DAAM2: variants seen among roughly 807,000 people sequenced by gnomAD.
DAAM2 encodes dishevelled associated activator of morphogenesis 2.
A neutral mutation model predicts 120.7 loss-of-function variants in DAAM2; 39 were observed. The ratio of observed to expected loss-of-function variants is 0.32; its 90% CI spans 0.25 to 0.42. The LOEUF (loss-of-function observed/expected upper bound fraction) is 0.42, where lower values mean the gene tolerates loss of function less well. Ranked by LOEUF, DAAM2 falls within the 10% of genes least tolerant of loss-of-function variation. The pLI is 1.00. For synonymous variants in DAAM2, 488 were observed against 524.9 expected (o/e 0.93, Z 0.96); for missense variants, 1,283 against 1,401.7 (o/e 0.92, Z 1.35).
At chr6:39,887,660 G>A (rs1368005463) in intron 16 of DAAM2, 68 bp downstream of exon 16, 4 of 1,022,824 alleles carry the variant, frequency 3.9e-6, no homozygotes, top group Middle Eastern at 2.5e-4. Flanking sequence ...ACGGAGTGGT[G>A]GCAGTCTCGG....
chr6:39,806,943 C>T (rs1762026344), intron 1 of DAAM2, among the ~76,000 whole-genome samples: 1 of 151,388 alleles, frequency 6.6e-6, no homozygotes, highest in African/African-American at 2.4e-5. Context: ...GATAGGAACA[C>T]TTCAAAGGGC....
intron 15 of DAAM2, chr6:39,885,670 C>T (rs1407549848): frequency 6.6e-6 from 1 of 152,312 alleles, no homozygotes; most frequent in Non-Finnish European, 1.5e-5. Context: ...TCACCTGCCT[C>T]CCCTCACTCA....
At chr6:39,861,085 C>A in intron 3 of DAAM2, 68 bp downstream of exon 3, 2 of 1,144,552 alleles carry the variant, frequency 1.7e-6, no homozygotes, top group Non-Finnish European at 2.6e-6. Flanking sequence ...GCTGCCTTGG[C>A]ATGCTCATGC....
Position 39,856,273 on chromosome 6 carries a change from T to G in DAAM2, c.-30T>G. 1 of 1,451,732 alleles carries G rather than the reference T, an allele frequency of 6.9e-7. No homozygotes were observed. The highest frequency in any genetic ancestry group is 9.1e-7 in the Non-Finnish European group (1 of 1,100,694). The allele number at this position is 1,451,732 out of a possible 1,614,324, so 89.9% of individuals were successfully genotyped here. Reference sequence around the variant, plus strand: ...TCACAATGAGGACCTAGGGCATCTGTCTGCTGACGCCCCCTGGCCTGCAGT... The same window carrying G: ...TCACAATGAGGACCTAGGGCATCTGGCTGCTGACGCCCCCTGGCCTGCAGT... On this transcript the variant is annotated 5_prime_UTR_variant, in exon 2 of 25. Coordinates refer to ENST00000274867, the MANE Select transcript of DAAM2 (RefSeq NM_001201427.2).
At chr6:39,800,756 A>G (rs891260177) in intron 1 of DAAM2, among the ~76,000 whole-genome samples, 6 of 152,206 alleles carry the variant, frequency 3.9e-5, no homozygotes, top group Non-Finnish European at 7.3e-5. Context: ...ATGTGGGACA[A>G]TTCTAACGGG....
chr6:39,867,841 C>T lies in DAAM2; in HGVS notation c.760C>T (p.Gln254Ter). The change falls in exon 6 of 25, where the codon CAG (glutamine) becomes TAG (stop). Residue 254 changes from glutamine to a stop codon, truncating the protein, a stop_gained and splice_region_variant. Transcript: ENST00000274867. LOFTEE classifies it high-confidence loss of function. ...GTATGCAGCAGAGCGAACCCGCTTC[C>T]AGGTGAGGGGCCAGGCTGGAGGTGG... ...QVYAAERTRF[Q>*]TLLNELDRSL... is the part of the protein sequence containing the mutation. 6.3e-7 allele frequency: 1 copy of T among 1,576,220 alleles called. No individual in the cohort carries two copies. Among genetic ancestry groups the T allele is most frequent in the Non-Finnish European group, 8.6e-7 (1 of 1,162,394 alleles).
In DAAM2 at chr6:39,870,420, A is replaced by G; in HGVS notation, c.954A>G (p.Gln318=). The G allele has an allele frequency of 6.3e-7, 1 of 1,581,604 alleles. No homozygotes were observed. The highest frequency in any genetic ancestry group is 8.6e-7 in the Non-Finnish European group (1 of 1,162,256). The change falls in exon 8 of 25, where the codon CAA becomes CAG. Residue 318 remains glutamine (Q), a synonymous_variant. Transcript: ENST00000274867. The part of the protein sequence containing the change: ...GIQPVIDKLR[Q]HENAILDKHL... ...AGCCTGTGATTGACAAGCTCCGGCA[A>G]CATGAAAATGCCATCCTGGACAAGT... is the stretch of plus-strand genomic sequence containing the variant.
At chr6:39,880,468 G>A (rs139888715) in intron 14 of DAAM2, among the ~76,000 whole-genome samples, 3 of 152,308 alleles carry the variant, frequency 2.0e-5, no homozygotes, top group Non-Finnish European at 2.9e-5. Context: ...GTAAAGCTTT[G>A]TGCTGGGGGC....
Position 39,864,484 on chromosome 6 carries a change from G to C in DAAM2, c.310G>C (p.Asp104His), listed in dbSNP as rs768402824. 2 of 1,612,250 alleles carry C rather than the reference G, an allele frequency of 1.2e-6. No individual in the cohort carries two copies. Among genetic ancestry groups the C allele is most frequent in the Non-Finnish European group, 1.7e-6 (2 of 1,179,666 alleles). The change falls in exon 4 of 25, where the codon GAC (aspartate) becomes CAC (histidine). Residue 104 changes from aspartate (D) to histidine (H), a missense_variant. Asp to His is a moderately conservative substitution (Grantham distance 81). Around this residue, in one of 3 missense-constraint regions of DAAM2, gnomAD observed 197 missense variants for 189.3 expected, o/e 1.04. Transcript: ENST00000274867. ...AACCAGCTGGCCTGACTATTACATC[G>C]ACCGCATCAATTCCATGGCTGCGGT... Reference protein sequence around the residue: ...LATSWPDYYIDRINSMAAMQS... With the variant: ...LATSWPDYYIHRINSMAAMQS...
chr6:39,869,222 A>G (rs1358457299), intron 7 of DAAM2, among the ~76,000 whole-genome samples: 1 of 152,030 alleles, frequency 6.6e-6, no homozygotes, highest in African/African-American at 2.4e-5. Flanking sequence ...ATGTTCTTCT[A>G]GTGCCTTCTG....
chr6:39,879,869 T>C, intron 14 of DAAM2: 1 of 340,414 alleles, frequency 2.9e-6, no homozygotes, highest in Non-Finnish European at 5.6e-6. Context: ...CAGGACAATG[T>C]ATACAAAGGA....
rs1421839868 is a variant in DAAM2 at position 39,868,837 on chromosome 6, G to A, written c.777G>A (p.Glu259=). Reference sequence around the variant, plus strand: ...TTTCCACCTAGACCCTGCTGAACGAGCTAGACCGAAGTCTGGGCCGGTACC... The same window carrying A: ...TTTCCACCTAGACCCTGCTGAACGAACTAGACCGAAGTCTGGGCCGGTACC... ...ERTRFQTLLN[E]LDRSLGRYRD... The change falls in exon 7 of 25, where the codon GAG becomes GAA. Residue 259 remains glutamate, a synonymous_variant. Transcript: ENST00000274867. 4 of 1,580,584 alleles carry A rather than the reference G, an allele frequency of 2.5e-6. No individual in the cohort carries two copies. The highest frequency in any genetic ancestry group is 2.6e-6 in the Non-Finnish European group (3 of 1,163,234).
chr6:39,895,073 A>G (rs1193347958), intron 19 of DAAM2, among the ~76,000 whole-genome samples: 3 of 152,146 alleles, frequency 2.0e-5, no homozygotes, highest in Non-Finnish European at 4.4e-5. Flanking sequence ...ATATGAATAC[A>G]CCATAATTTA....
chr6:39,839,022 G>T (rs1419401958), intron 1 of DAAM2, among the ~76,000 whole-genome samples: 1 of 151,992 alleles, frequency 6.6e-6, no homozygotes, highest in African/African-American at 2.4e-5. Context: ...TCACCCTAGT[G>T]GTCCCCCCTC....
At chr6:39,860,806 G>A (rs1005470672) in intron 2 of DAAM2, 122 bp from the exon 3 acceptor site, 96 of 778,704 alleles carry the variant, frequency 1.2e-4, no homozygotes, top group African/African-American at 9.9e-4. Flanking sequence ...GATGCTCTTC[G>A]GGAGGAAGAT....
In DAAM2 at chr6:39,868,906, T is replaced by C. The variant is rs1395841283; in HGVS notation, c.846T>C (p.Asn282=). The change falls in exon 7 of 25, where the codon AAT becomes AAC. Residue 282 remains asparagine, a synonymous_variant. Coordinates refer to ENST00000274867, the MANE Select transcript of DAAM2 (RefSeq NM_001201427.2). ...AAACAGCCATCATGTCCTTCATCAA[T>C]GCTGTCCTCAATGCTGGAGCTGGAG... ...NLKTAIMSFI[N]AVLNAGAGED... is the part of the protein sequence containing the mutation. 1 of 1,583,374 alleles carries C rather than the reference T, an allele frequency of 6.3e-7. No individual in the cohort carries two copies. Among genetic ancestry groups the C allele is most frequent in the Admixed American group, 1.8e-5 (1 of 55,476 alleles).
In DAAM2 at chr6:39,875,442, C is replaced by A. The variant is rs1231053841; in HGVS notation, c.1275C>A (p.Asn425Lys). 1.2e-6 allele frequency: 2 copies of A among 1,613,908 alleles called. No homozygotes were observed. The highest frequency in any genetic ancestry group is 1.7e-5 in the Admixed American group (1 of 60,010). ...GVDPDLAPLE[N>K]FNVKNIVNML... is the part of the protein sequence containing the mutation. ...ACCCTGACCTGGCTCCCTTGGAGAA[C>A]TTCAATGTCAAGAACATCGTCAACA... Residue 425 changes from asparagine to lysine, a missense_variant, in exon 11 of 25, where the codon AAC becomes AAA. Asn to Lys is a moderately conservative substitution (Grantham distance 94). This residue lies in a region of DAAM2 where 338 missense variants were observed against 443.9 expected (regional missense o/e 0.76). Coordinates refer to ENST00000274867, the MANE Select transcript of DAAM2 (RefSeq NM_001201427.2).
chr6:39,842,781 G>A lies in DAAM2; in HGVS notation c.-56-13466G>A, dbSNP rs1205689533. ...GAATGCAGGTAGGTTGGAGTGGTTA[G>A]GGAGGCTGCTTGGGGAAGGTGGCAT... On this transcript the variant is annotated intron_variant, in intron 1 of 24. Coordinates refer to ENST00000274867, the MANE Select transcript of DAAM2 (RefSeq NM_001201427.2). Among the ~76,000 whole-genome samples, 3 of 152,206 alleles carry A rather than the reference G, an allele frequency of 2.0e-5. No homozygotes were observed. The East Asian group carries it at 5.8e-4, about 29-fold the overall frequency.
Position 39,904,695 on chromosome 6 carries a change from T to TATC in DAAM2, c.*2659_*2661dup, listed in dbSNP as rs1395853873. 6.6e-6 allele frequency: 3 copies of TATC among 453,952 alleles called. No homozygotes were observed. Among genetic ancestry groups the TATC allele is most frequent in the African/African-American group, 2.0e-5 (1 of 50,006 alleles). The allele number at this position is 453,952 out of a possible 1,614,324, so 28.1% of individuals were successfully genotyped here. On this transcript the variant is annotated 3_prime_UTR_variant, in exon 25 of 25. Coordinates refer to ENST00000274867, the MANE Select transcript of DAAM2 (RefSeq NM_001201427.2). ...CACCAACTGGGGAACTGTGACTATC[T>TATC]ATCTCCCCCGACTTCTACCAGGGAT...
Sources: gnomAD v4.1 joint callset for allele counts (sites outside exome capture counted in the v4.1 genomes callset) on GRCh38, gnomAD v4.1.1 for gene constraint, gnomAD v4.1.1 regional missense constraint, MANE v1.5 for transcripts, NCBI Gene and HGNC (gene_info 2026-07-23, HGNC 2026-07-21) for gene names.